Variants in PEPD observed in about 807,000 individuals in gnomAD.
PEPD encodes xaa-Pro dipeptidase.
In PEPD, 53 loss-of-function variants were observed where a neutral mutation model predicts 60.7. The observed-to-expected ratio is 0.87, with a 90% CI of 0.70 to 1.10. PEPD has a LOEUF of 1.10. PEPD is among the 50% of genes least tolerant of loss of function. The probability of loss-of-function intolerance (pLI) is 0.00; values close to 1 mark genes in which losing one functional copy is unlikely to be tolerated. For missense variants in PEPD, 711 were observed against 711.9 expected (o/e 1.00, Z 0.01); for synonymous variants, 267 against 284.1 (o/e 0.94, Z 0.60).
chr19:33,401,863 G>A lies in PEPD; in HGVS notation c.825C>T (p.Phe275=), dbSNP rs1330928846. 9 of 1,612,868 alleles carry A rather than the reference G, an allele frequency of 5.6e-6. No homozygotes were observed. The highest frequency in any genetic ancestry group is 2.2e-5 in the East Asian group (1 of 44,884). Residue 275 remains phenylalanine (F), a synonymous_variant, in exon 12 of 15, where the codon TTC becomes TTT. Coordinates refer to ENST00000244137, the MANE Select transcript of PEPD (RefSeq NM_000285.4). ...AGCAGTAATACTCACCGCCCATGTC[G>A]AACAGGCTGCGGAGAGAGGAAGGCA... ...RTIQNGDMCL[F]DMGGEYYCFA...
intron 9 of PEPD, among the ~76,000 whole-genome samples, chr19:33,425,325 A>AAACAAAC (rs1568465127): frequency 8.4e-6 from 1 of 118,958 alleles, no homozygotes; most frequent in Non-Finnish European, 1.8e-5. Flanking sequence ...AACAAACAAA[A>AAACAAAC]AGGCTTGCCA....
chr19:33,398,530 A>G (rs1206586828), intron 12 of PEPD, among the ~76,000 whole-genome samples: 1 of 152,218 alleles, frequency 6.6e-6, no homozygotes, highest in Non-Finnish European at 1.5e-5. Context: ...CGTGGAGGGT[A>G]CAGGAGCTGG....
At chr19:33,477,927 G>T (rs1007049193) in intron 7 of PEPD, 119 bp downstream of exon 7, 5 of 755,104 alleles carry the variant, frequency 6.6e-6, no homozygotes, top group African/African-American at 5.2e-5. Flanking sequence ...ATGGGAGAAG[G>T]TTCTGGGAAT....
chr19:33,461,835 C>T (rs1319680077), intron 9 of PEPD, among the ~76,000 whole-genome samples: 3 of 152,190 alleles, frequency 2.0e-5, no homozygotes, highest in African/African-American at 7.2e-5. Context: ...TTCTCAGCCT[C>T]CCCGGCTGAC....
rs181371038 is a variant in PEPD, at chr19:33,474,229, C to T, written c.548+3817G>A. ...CTGACACTCAGGCAGCCCCACTCCACGGGTGCCCCCTCAGAGCTGCAAGGA... is the reference window on the plus strand; with the variant it reads ...CTGACACTCAGGCAGCCCCACTCCATGGGTGCCCCCTCAGAGCTGCAAGGA... On this transcript the variant is annotated intron_variant, in intron 7 of 14. Transcript: ENST00000244137. 1.7e-4 allele frequency among the ~76,000 whole-genome samples: 26 copies of T among 152,356 alleles called. No individual in the cohort carries two copies. In the East Asian group the frequency reaches 4.2e-3, roughly 25 times the overall value.
intron 6 of PEPD, among the ~76,000 whole-genome samples, chr19:33,489,135 G>A (rs761062451): frequency 2.6e-5 from 4 of 152,162 alleles, no homozygotes; most frequent in East Asian, 1.9e-4. Flanking sequence ...GGGGAGGGGC[G>A]TCTTTCCCTG....
intron 9 of PEPD, among the ~76,000 whole-genome samples, chr19:33,435,277 C>G (rs1216863026): frequency 6.6e-6 from 1 of 152,140 alleles, no homozygotes; most frequent in Non-Finnish European, 1.5e-5. Context: ...CACAGGGAGC[C>G]TCAGCTGGGA....
intron 4 of PEPD, among the ~76,000 whole-genome samples, chr19:33,499,036 G>A (rs892925863): frequency 4.6e-5 from 7 of 152,142 alleles, no homozygotes; most frequent in Non-Finnish European, 5.9e-5. Flanking sequence ...GGAGAGGGTC[G>A]GAAGGAAAAC....
At chr19:33,431,295 A>C (rs1969268747) in intron 9 of PEPD, among the ~76,000 whole-genome samples, 1 of 152,140 alleles carries the variant, frequency 6.6e-6, no homozygotes, top group Non-Finnish European at 1.5e-5. Flanking sequence ...ATTCAAGCCC[A>C]ATTCCTCCCT....
At chr19:33,491,712 G>A (rs1970503722) in intron 5 of PEPD, among the ~76,000 whole-genome samples, 1 of 152,174 alleles carries the variant, frequency 6.6e-6, no homozygotes, top group African/African-American at 2.4e-5. Context: ...TTTAAAAGAG[G>A]CAAAGGTAGA....
intron 11 of PEPD, among the ~76,000 whole-genome samples, chr19:33,403,745 T>G (rs775172174): frequency 6.6e-6 from 1 of 152,212 alleles, no homozygotes; most frequent in Non-Finnish European, 1.5e-5. Context: ...CCGGGCACTT[T>G]TTAATCTCCT....
At chr19:33,407,500 C>T (rs943257424) in intron 11 of PEPD, among the ~76,000 whole-genome samples, 4 of 152,188 alleles carry the variant, frequency 2.6e-5, no homozygotes, top group Admixed American at 6.5e-5. Context: ...CAAACCTGTT[C>T]GGGGCTGGAG....
intron 9 of PEPD, among the ~76,000 whole-genome samples, chr19:33,426,025 G>C (rs1048680141): frequency 6.6e-6 from 1 of 152,108 alleles, no homozygotes; most frequent in Non-Finnish European, 1.5e-5. Flanking sequence ...TTGCTATGTT[G>C]CCCAGGCTGC....
chr19:33,400,103 C>T (rs1400535631), intron 12 of PEPD, among the ~76,000 whole-genome samples: 1 of 152,178 alleles, frequency 6.6e-6, no homozygotes, highest in Non-Finnish European at 1.5e-5. Flanking sequence ...GCCTGAGCTC[C>T]CCTACACAGG....
intron 9 of PEPD, among the ~76,000 whole-genome samples, chr19:33,453,901 A>C (rs540577215): frequency 6.6e-6 from 1 of 152,330 alleles, no homozygotes; most frequent in African/African-American, 2.4e-5. Context: ...CCACTCTACT[A>C]TACTGCCTCC....
intron 13 of PEPD, 167 bp from the exon 14 acceptor site, chr19:33,388,248 A>T (rs1376973640): frequency 1.4e-6 from 1 of 708,046 alleles, no homozygotes; most frequent in South Asian, 1.5e-5. Context: ...GGGCACCCTG[A>T]TAAGACCTTC....
chr19:33,457,321 T>C (rs1489619805), intron 9 of PEPD, among the ~76,000 whole-genome samples: 1 of 152,044 alleles, frequency 6.6e-6, no homozygotes, highest in Non-Finnish European at 1.5e-5. Context: ...GTGCCAGTTA[T>C]TTGGGGGGCT....
intron 9 of PEPD, among the ~76,000 whole-genome samples, chr19:33,433,847 C>T (rs550355000): frequency 2.0e-5 from 3 of 152,356 alleles, no homozygotes; most frequent in South Asian, 2.1e-4. Context: ...AGATGCACAG[C>T]GTTTCTGCCC....
rs553541010 is a variant in PEPD at position 33,517,024 on chromosome 19, C to T, written c.18-4248G>A. On this transcript the variant is annotated intron_variant, in intron 1 of 14. Coordinates refer to ENST00000244137, the MANE Select transcript of PEPD (RefSeq NM_000285.4). Reference sequence around the variant, plus strand: ...GCAAAACCCCCATCTCTACCGAAAACACAAAAATTAGTCAGGAATGGTGGC... The same window carrying T: ...GCAAAACCCCCATCTCTACCGAAAATACAAAAATTAGTCAGGAATGGTGGC... 5.9e-5 allele frequency among the ~76,000 whole-genome samples: 9 copies of T among 151,684 alleles called. 1 individual carries two copies. Among genetic ancestry groups the T allele is most frequent in the African/African-American group, 1.9e-4 (8 of 41,332 alleles).
Sources: gnomAD v4.1 joint callset for allele counts (sites outside exome capture counted in the v4.1 genomes callset) on GRCh38, gnomAD v4.1.1 for gene constraint, MANE v1.5 for transcripts, NCBI Gene and HGNC (gene_info 2026-07-23, HGNC 2026-07-21) for gene names.